The following RAB44 variants were observed in gnomAD, a reference collection of about 807,000 sequenced individuals.
The protein encoded by RAB44 is ras-related protein Rab-44.
Under a neutral mutation model 93.3 loss-of-function variants are expected in RAB44, and 67 were observed. The observed-to-expected ratio is 0.72, with a 90% CI of 0.59 to 0.88. The LOEUF (loss-of-function observed/expected upper bound fraction) is 0.88. Ranked by LOEUF, RAB44 falls within the 40% of genes least tolerant of loss-of-function variation. The pLI is 0.00. For synonymous variants in RAB44, 427 were observed against 520.3 expected, an observed-to-expected ratio of 0.82 and a Z score of 2.44; for missense variants, 1,064 against 1,261.7, an observed-to-expected ratio of 0.84 and a Z score of 2.37.
chr6:36,716,032 C>T (rs770589534), intron 4 of RAB44, among the ~76,000 whole-genome samples: 1 of 152,194 alleles, frequency 6.6e-6, no homozygotes, highest in Non-Finnish European at 1.5e-5. Context: ...CCTGCAGGTG[C>T]CTTTCTTCAC....
rs1272690667 is a variant in RAB44 at position 36,715,569 on chromosome 6, C to T, written c.410C>T (p.Pro137Leu). ...SKRVSATTSF[P>L]ALEEADAEEK... ...CGGGTATCTGCTACCACCAGCTTCC[C>T]AGCTCTGGAGGAGGCGGATGCTGAG... The change falls in exon 4 of 14, where the codon CCA becomes CTA. Residue 137 changes from proline (P) to leucine (L), a missense_variant. Pro to Leu is a moderately conservative substitution (Grantham distance 98). Coordinates refer to ENST00000612677, the MANE Select transcript of RAB44 (RefSeq NM_001257357.2). 5.2e-6 allele frequency: 8 copies of T among 1,536,070 alleles called. No individual in the cohort carries two copies. The highest frequency in any genetic ancestry group is 7.0e-6 in the Non-Finnish European group (8 of 1,146,906).
chr6:36,722,052 G>T lies in RAB44; in HGVS notation c.1918G>T (p.Ala640Ser). The change falls in exon 9 of 14, where the codon GCG (alanine) becomes TCG (serine). Residue 640 changes from alanine to serine, a missense_variant. Coordinates refer to ENST00000612677, the MANE Select transcript of RAB44 (RefSeq NM_001257357.2). The stretch of plus-strand genomic sequence containing the variant: ...GCTGGAGCAGGGCCAGGCGGGCCCA[G>T]CGGTGCAGGAGGGCCTTCCTGAGGG... ...ERLEQGQAGPAVQEGLPEGLR... is the reference protein window; with the variant it reads ...ERLEQGQAGPSVQEGLPEGLR... 1 of 1,234,642 alleles carries T rather than the reference G, an allele frequency of 8.1e-7. No individual in the cohort carries two copies. The highest frequency in any genetic ancestry group is 3.2e-5 in the East Asian group (1 of 31,690). 76.5% of individuals were successfully genotyped at this position (1,234,642 alleles called of 1,614,324 possible).
intron 3 of RAB44, 31 bp downstream of exon 3, chr6:36,713,970 C>T (rs1762848862): frequency 1.5e-6 from 2 of 1,377,296 alleles, no homozygotes; most frequent in African/African-American, 2.9e-5. Flanking sequence ...CCTCTGGGCA[C>T]CCAGGTGTTC....
At chr6:36,698,729 C>T (rs982339041) in intron 1 of RAB44, among the ~76,000 whole-genome samples, 2 of 151,748 alleles carry the variant, frequency 1.3e-5, no homozygotes, top group Non-Finnish European at 2.9e-5. Context: ...CCAGCTGACT[C>T]GGAGGGATGT....
Position 36,727,641 on chromosome 6 carries a change from A to G in RAB44, c.2746A>G (p.Thr916Ala). 1 of 1,550,310 alleles carries G rather than the reference A, an allele frequency of 6.5e-7. No individual in the cohort carries two copies. ...ADGVVLMYDI[T>A]SQESFAHVRY... ...CGGGGTGGTGCTCATGTACGACATC[A>G]CCTCCCAGGAGAGCTTTGCCCACGT... is the stretch of plus-strand genomic sequence containing the variant. The change falls in exon 11 of 14, where the codon ACC becomes GCC. Residue 916 changes from threonine (T) to alanine (A), a missense_variant. Transcript: ENST00000612677.
At chr6:36,715,710 G>A in intron 4 of RAB44, 57 bp downstream of exon 4, 2 of 1,513,344 alleles carry the variant, frequency 1.3e-6, no homozygotes, top group Non-Finnish European at 1.8e-6. Context: ...TGACGGCAGG[G>A]GCTTTCCTGG....
chr6:36,725,927 A>G lies in RAB44; in HGVS notation c.2665A>G (p.Thr889Ala). The part of the protein sequence containing the change: ...NKCFVLQLWD[T>A]AGQERYHSMT... Reference sequence around the variant, plus strand: ...GTGCTTTGTGCTGCAGCTCTGGGACACAGCTGGCCAAGAGAGGTAACAGGC... The same window carrying G: ...GTGCTTTGTGCTGCAGCTCTGGGACGCAGCTGGCCAAGAGAGGTAACAGGC... The change falls in exon 10 of 14, where the codon ACA becomes GCA. Residue 889 changes from threonine to alanine, a missense_variant. Transcript: ENST00000612677. 2 of 1,550,730 alleles carry G rather than the reference A, an allele frequency of 1.3e-6. No individual in the cohort carries two copies. Among genetic ancestry groups the G allele is most frequent in the African/African-American group, 1.4e-5 (1 of 73,170 alleles).
intron 2 of RAB44, among the ~76,000 whole-genome samples, chr6:36,708,400 G>C (rs760399461): frequency 3.9e-5 from 6 of 152,030 alleles, no homozygotes; most frequent in Non-Finnish European, 7.4e-5. Flanking sequence ...TCTTGTAATA[G>C]TGTTGAAGTA....
At chr6:36,723,451 T>C (rs1390669278) in intron 9 of RAB44, among the ~76,000 whole-genome samples, 1 of 152,174 alleles carries the variant, frequency 6.6e-6, no homozygotes, top group Non-Finnish European at 1.5e-5. Flanking sequence ...TCTAACTCAG[T>C]GGCTCCTGCA....
chr6:36,711,279 G>A (rs1366461179), intron 2 of RAB44, among the ~76,000 whole-genome samples: 1 of 152,188 alleles, frequency 6.6e-6, no homozygotes, highest in Non-Finnish European at 1.5e-5. Context: ...TCAAACATAT[G>A]TAAAGATAAA....
At chr6:36,719,792 G>A (rs181718728) in intron 7 of RAB44, among the ~76,000 whole-genome samples, 1 of 152,218 alleles carries the variant, frequency 6.6e-6, no homozygotes, top group Non-Finnish European at 1.5e-5. Flanking sequence ...GGCCCTGAGC[G>A]GGCATGAGCT....
chr6:36,702,502 C>T (rs1762538831), intron 1 of RAB44, among the ~76,000 whole-genome samples: 1 of 152,234 alleles, frequency 6.6e-6, no homozygotes, highest in South Asian at 2.1e-4. Context: ...CCTCTAACCA[C>T]TCCACCCAGC....
At position 36,725,459 on chromosome 6, in the gene RAB44, G is replaced by C. The variant is rs948198655; in HGVS notation, c.2600-403G>C. 3.8e-4 allele frequency among the ~76,000 whole-genome samples: 58 copies of C among 152,374 alleles called. 2 individuals carry two copies. Among genetic ancestry groups the C allele is most frequent in the African/African-American group, 1.3e-3 (53 of 41,588 alleles). ...TGACTTGCCTGAGGTCCTGTAACCA[G>C]TGTAACAGTTGCCTGAAGCCAGCAT... On this transcript the variant is annotated intron_variant, in intron 9 of 13. Coordinates refer to ENST00000612677, the MANE Select transcript of RAB44 (RefSeq NM_001257357.2).
At chr6:36,726,012 C>T in intron 10 of RAB44, 69 bp downstream of exon 10, 1 of 1,257,796 alleles carries the variant, frequency 8.0e-7, no homozygotes, top group South Asian at 1.3e-5. Flanking sequence ...GGACAGGGAG[C>T]AGCCCTAATA....
Position 36,727,671 on chromosome 6 carries a change from T to C in RAB44, c.2776T>C (p.Tyr926His). The C allele has an allele frequency of 6.5e-7, 1 of 1,549,684 alleles. No homozygotes were observed. Among genetic ancestry groups the C allele is most frequent in the South Asian group, 1.2e-5 (1 of 84,052 alleles). Reference protein sequence around the residue: ...TSQESFAHVRYWLDCLQDAGS... With the variant: ...TSQESFAHVRHWLDCLQDAGS... ...CCAGGAGAGCTTTGCCCACGTGCGC[T>C]ACTGGCTAGACTGTCTCCAGGTGAG... The change falls in exon 11 of 14, where the codon TAC becomes CAC. Residue 926 changes from tyrosine to histidine, a missense_variant. Physicochemically the swap from Tyr to His is moderately conservative, Grantham distance 83 (BLOSUM62 2). Transcript: ENST00000612677.
rs750765597 is a variant in RAB44 at position 36,704,287 on chromosome 6, C to T, written c.52C>T (p.Arg18Trp). ...AAAAGTCCGGAAGCTGGGCTCCAAC[C>T]GGCGGCGGCAGACAAGAGAGCCAGC... ...SRKVRKLGSNRRRQTREPADG... is the reference protein window; with the variant it reads ...SRKVRKLGSNWRRQTREPADG... Residue 18 changes from arginine to tryptophan, a missense_variant, in exon 2 of 14, where the codon CGG becomes TGG. Arg to Trp is a moderately radical substitution (Grantham distance 101). Coordinates refer to ENST00000612677, the MANE Select transcript of RAB44 (RefSeq NM_001257357.2). The T allele has an allele frequency of 9.0e-5, 138 of 1,535,974 alleles. No homozygotes were observed. The highest frequency in any genetic ancestry group is 1.1e-4 in the Non-Finnish European group (124 of 1,146,906).
At chr6:36,715,301 A>G (rs1762887834) in intron 3 of RAB44, among the ~76,000 whole-genome samples, 178 bp from the exon 4 acceptor site, 1 of 152,170 alleles carries the variant, frequency 6.6e-6, no homozygotes, top group African/African-American at 2.4e-5. Flanking sequence ...CATCTGTAAA[A>G]TGGGTACCTT....
intron 3 of RAB44, among the ~76,000 whole-genome samples, 176 bp downstream of exon 3, chr6:36,714,115 G>A (rs1762856763): frequency 6.6e-6 from 1 of 152,200 alleles, no homozygotes; most frequent in Non-Finnish European, 1.5e-5. Context: ...GCCCCTCCAG[G>A]GAGGCCTCCG....
intron 2 of RAB44, among the ~76,000 whole-genome samples, chr6:36,706,944 G>A (rs538701564): frequency 1.3e-5 from 2 of 152,070 alleles, no homozygotes; most frequent in Admixed American, 1.3e-4. Flanking sequence ...CATGTTGCCC[G>A]GGCTTAAAAT....
Sources: gnomAD v4.1 joint callset for allele counts (sites outside exome capture counted in the v4.1 genomes callset) on GRCh38, gnomAD v4.1.1 for gene constraint, MANE v1.5 for transcripts, NCBI Gene and HGNC (gene_info 2026-07-23, HGNC 2026-07-21) for gene names.